Variants in GFRAL observed in about 807,000 individuals in gnomAD.
GFRAL encodes the protein GDNF family receptor alpha like.
A neutral mutation model predicts 45.4 loss-of-function variants in GFRAL; 36 were observed. That is an observed-to-expected ratio of 0.79 (90% confidence interval 0.61 to 1.05). The LOEUF (loss-of-function observed/expected upper bound fraction) is 1.05. GFRAL is among the 50% of genes least tolerant of loss of function. The pLI is 0.00. For synonymous variants in GFRAL, 166 were observed against 154.1 expected (o/e 1.08, Z -0.57); for missense variants, 507 against 467.5 (o/e 1.08, Z -0.78).
At chr6:55,352,854 T>A (rs1368926005) in intron 5 of GFRAL, among the ~76,000 whole-genome samples, 4 of 152,014 alleles carry the variant, frequency 2.6e-5, no homozygotes, top group South Asian at 2.1e-4. Flanking sequence ...TCAAAAAAAA[T>A]TTATCAAGCA....
At chr6:55,358,327 G>A (rs1216678385) in intron 5 of GFRAL, among the ~76,000 whole-genome samples, 5 of 151,938 alleles carry the variant, frequency 3.3e-5, no homozygotes, top group Non-Finnish European at 5.9e-5. Flanking sequence ...TGAAATTAGT[G>A]TACATTATCC....
intron 6 of GFRAL, among the ~76,000 whole-genome samples, chr6:55,381,905 T>C (rs1388477833): frequency 1.3e-5 from 2 of 151,872 alleles, no homozygotes; most frequent in Non-Finnish European, 2.9e-5. Context: ...CATCACCTTC[T>C]AGTATAGCCA....
chr6:55,388,624 A>T (rs1246573956), intron 6 of GFRAL, among the ~76,000 whole-genome samples: 1 of 152,200 alleles, frequency 6.6e-6, no homozygotes, highest in East Asian at 1.9e-4. Context: ...AACTGCTTCG[A>T]CTCAGTCAAT....
intron 6 of GFRAL, among the ~76,000 whole-genome samples, chr6:55,360,322 A>G (rs1768256340): frequency 1.3e-5 from 2 of 152,030 alleles, no homozygotes. Context: ...GAAGTAATGG[A>G]TATTTACTGT....
intron 3 of GFRAL, among the ~76,000 whole-genome samples, chr6:55,343,970 A>G (rs1490485529): frequency 6.6e-6 from 1 of 152,134 alleles, no homozygotes; most frequent in African/African-American, 2.4e-5. Context: ...CATACACTCT[A>G]CCAAGACTAA....
At chr6:55,356,692 TTTCA>T (rs1360372681) in intron 5 of GFRAL, among the ~76,000 whole-genome samples, 4 of 151,892 alleles carry the variant, frequency 2.6e-5, no homozygotes, top group Non-Finnish European at 2.9e-5. Context: ...TTTGTTTCAC[TTTCA>T]TTTATTTCTG....
At chr6:55,393,240 T>G (rs1292111661) in intron 6 of GFRAL, among the ~76,000 whole-genome samples, 1 of 152,212 alleles carries the variant, frequency 6.6e-6, no homozygotes, top group Non-Finnish European at 1.5e-5. Flanking sequence ...TTAGGTAATG[T>G]ATGCCACTAT....
At chr6:55,358,858 A>T (rs906201399) in intron 5 of GFRAL, 30 bp from the exon 6 acceptor site, 2 of 1,602,620 alleles carry the variant, frequency 1.2e-6, no homozygotes, top group Non-Finnish European at 1.7e-6. Flanking sequence ...ACTATTCAAA[A>T]CTAATTATTT....
intron 6 of GFRAL, among the ~76,000 whole-genome samples, chr6:55,367,133 G>C (rs1768375724): frequency 9.5e-6 from 1 of 104,824 alleles, no homozygotes; most frequent in African/African-American, 4.5e-5. Context: ...TCCTGTATTG[G>C]GTGCATATAT....
At chr6:55,329,212 G>A (rs1767800392) in intron 1 of GFRAL, among the ~76,000 whole-genome samples, 1 of 151,980 alleles carries the variant, frequency 6.6e-6, no homozygotes, top group South Asian at 2.1e-4. Flanking sequence ...GGTTTTCTTA[G>A]TTGAGTCAAT....
At chr6:55,393,488 A>C (rs984081303) in intron 6 of GFRAL, among the ~76,000 whole-genome samples, 1 of 152,180 alleles carries the variant, frequency 6.6e-6, no homozygotes, top group African/African-American at 2.4e-5. Context: ...ACTTGAGTAA[A>C]ATGGCCTGAG....
chr6:55,348,514 AC>A (rs2127354529), intron 3 of GFRAL, among the ~76,000 whole-genome samples: 1 of 152,194 alleles, frequency 6.6e-6, no homozygotes, highest in African/African-American at 2.4e-5. Flanking sequence ...GTTCCGGATT[AC>A]GAAAAATCTC....
rs192756788 is a variant in GFRAL, at chr6:55,369,409, C to A, written c.952+10271C>A. ...TGCAGAAATCACCCATCTTCTGCGT[C>A]GCTCAGGCTCGGAGCTGTAGACCGG... On this transcript the variant is annotated intron_variant, in intron 6 of 8. Coordinates refer to ENST00000340465, the MANE Select transcript of GFRAL (RefSeq NM_207410.2). Among the ~76,000 whole-genome samples, 1,397 of 152,358 alleles carry A rather than the reference C, an allele frequency of 9.2e-3. 6 individuals are homozygous for A. The highest frequency in any genetic ancestry group is 0.015 in the Non-Finnish European group (1,015 of 68,038).
In GFRAL at chr6:55,350,096, C is replaced by T. The variant is rs753809308; in HGVS notation, c.321C>T (p.Asn107=). The stretch of plus-strand genomic sequence containing the variant: ...ATTTCTTTGTTTTCCTTCTAGATAA[C>T]GTGAAAGAGGATAAATTCAAATGGA... The part of the protein sequence containing the change: ...LGKKCINKSD[N]VKEDKFKWNL... The change falls in exon 4 of 9, where the codon AAC becomes AAT. Residue 107 remains asparagine, a synonymous_variant. Coordinates refer to ENST00000340465, the MANE Select transcript of GFRAL (RefSeq NM_207410.2). 6.6e-6 allele frequency: 10 copies of T among 1,517,082 alleles called. No homozygotes were observed. The East Asian group carries it at 9.0e-5, about 14-fold the overall frequency. The allele number at this position is 1,517,082 out of a possible 1,614,324, so 94.0% of individuals were successfully genotyped here. A position where few individuals can be genotyped will look rare whatever the true frequency, so the allele number is the denominator to read the frequency against.
At chr6:55,371,718 A>G (rs1305641240) in intron 6 of GFRAL, among the ~76,000 whole-genome samples, 2 of 152,224 alleles carry the variant, frequency 1.3e-5, no homozygotes, top group Admixed American at 6.5e-5. Context: ...AAATTTGTTC[A>G]GTACTTTTTA....
At chr6:55,392,207 C>T (rs1158953267) in intron 6 of GFRAL, among the ~76,000 whole-genome samples, 2 of 152,144 alleles carry the variant, frequency 1.3e-5, no homozygotes, top group African/African-American at 4.8e-5. Flanking sequence ...TACCATTTAC[C>T]TGGTTGTCCC....
At chr6:55,345,614 C>T (rs547684521) in intron 3 of GFRAL, among the ~76,000 whole-genome samples, 1 of 152,248 alleles carries the variant, frequency 6.6e-6, no homozygotes, top group Non-Finnish European at 1.5e-5. Flanking sequence ...TAGGCAATAC[C>T]ATTCAGGAGA....
intron 3 of GFRAL, among the ~76,000 whole-genome samples, chr6:55,334,170 A>G (rs1195846210): frequency 2.6e-5 from 4 of 152,144 alleles, no homozygotes; most frequent in African/African-American, 9.7e-5. Context: ...TCTGTGAGCC[A>G]TAGACCTCAG....
At chr6:55,379,487 T>A (rs772092455) in intron 6 of GFRAL, among the ~76,000 whole-genome samples, 1 of 149,272 alleles carries the variant, frequency 6.7e-6, no homozygotes, top group African/African-American at 2.5e-5. Context: ...TTATTTTTTA[T>A]GTTTTGCTTT....
Sources: allele counts gnomAD v4.1 joint callset (sites outside exome capture counted in the v4.1 genomes callset), GRCh38; gene constraint gnomAD v4.1.1; transcripts MANE v1.5; gene names NCBI Gene and HGNC (gene_info 2026-07-23, HGNC 2026-07-21).